Variants in NELL2 observed in about 807,000 individuals in gnomAD.
The protein encoded by NELL2 is protein kinase C-binding protein NELL2.
In NELL2, 41 loss-of-function variants were observed where a neutral mutation model predicts 109.6. The observed-to-expected ratio is 0.37, with a 90% CI of 0.29 to 0.49. The LOEUF (loss-of-function observed/expected upper bound fraction) is 0.49. Among genes scored for constraint, NELL2 ranks in the 20% least tolerant of loss-of-function variants. The pLI, the probability that NELL2 is intolerant of heterozygous loss-of-function variation, is 0.98. For synonymous variants in NELL2, 355 were observed against 344.7 expected, an observed-to-expected ratio of 1.03 and a Z score of -0.33; for missense variants, 900 against 1,008.3, an observed-to-expected ratio of 0.89 and a Z score of 1.45.
At chr12:44,636,459 C>T (rs1246182976) in intron 13 of NELL2, among the ~76,000 whole-genome samples, 2 of 152,108 alleles carry the variant, frequency 1.3e-5, no homozygotes, top group Admixed American at 6.6e-5. Context: ...TATGTTTCAT[C>T]AATACGTGGT....
At position 44,619,647 on chromosome 12, in the gene NELL2, AAGG is replaced by A. The variant is rs371438177; in HGVS notation, c.1445-8680_1445-8678del. The stretch of plus-strand genomic sequence containing the variant: ...TGAGAAGGCGGCGGAAGAGGAGGAG[AAGG>A]AGGAGGAGGAGGAGGAGGGATGTTG... On this transcript the variant is annotated intron_variant, in intron 13 of 19. Coordinates refer to ENST00000429094, the MANE Select transcript of NELL2 (RefSeq NM_001145108.2). Among the ~76,000 whole-genome samples, 331 of 151,532 alleles carry A rather than the reference AAGG, an allele frequency of 2.2e-3. 3 individuals carry two copies. The highest frequency in any genetic ancestry group is 2.3e-3 in the South Asian group (11 of 4,804).
chr12:44,562,309 G>T (rs1200429337), intron 15 of NELL2, among the ~76,000 whole-genome samples: 1 of 152,170 alleles, frequency 6.6e-6, no homozygotes, highest in Non-Finnish European at 1.5e-5. Flanking sequence ...AGCCAAAATT[G>T]ACAAATGGGA....
chr12:44,665,308 G>A (rs1174600300), intron 13 of NELL2, 176 bp downstream of exon 13: 2 of 460,154 alleles, frequency 4.3e-6, no homozygotes, highest in Non-Finnish European at 7.5e-6. Context: ...AGAGCAAGCA[G>A]GTGTTTTTTT....
intron 9 of NELL2, among the ~76,000 whole-genome samples, chr12:44,771,815 T>C (rs977842928): frequency 6.6e-6 from 1 of 152,172 alleles, no homozygotes; most frequent in African/African-American, 2.4e-5. Context: ...AGGGAAAGTA[T>C]AAAGGAAGCT....
chr12:44,714,785 A>G, intron 9 of NELL2, 44 bp from the exon 10 acceptor site: 1 of 1,301,726 alleles, frequency 7.7e-7, no homozygotes, highest in East Asian at 2.5e-5. Context: ...ATTGGGAAAA[A>G]TAGCTTAGAA....
intron 2 of NELL2, among the ~76,000 whole-genome samples, chr12:44,840,601 A>C (rs1027294407): frequency 6.6e-6 from 1 of 151,384 alleles, no homozygotes; most frequent in Non-Finnish European, 1.5e-5. Flanking sequence ...GCGCCACTGC[A>C]CTCCAGCCTG....
At chr12:44,558,269 C>T (rs1396562531) in intron 15 of NELL2, among the ~76,000 whole-genome samples, 1 of 152,156 alleles carries the variant, frequency 6.6e-6, no homozygotes, top group Non-Finnish European at 1.5e-5. Context: ...CTATTTCTAG[C>T]TGCATAAAAA....
chr12:44,562,045 G>T (rs982237052), intron 15 of NELL2, among the ~76,000 whole-genome samples: 16 of 152,118 alleles, frequency 1.1e-4, no homozygotes, highest in African/African-American at 3.4e-4. Flanking sequence ...TGACAAACTT[G>T]ACAAAAACAA....
intron 12 of NELL2, among the ~76,000 whole-genome samples, chr12:44,681,421 A>C (rs1026628031): frequency 1.3e-5 from 2 of 148,574 alleles, no homozygotes; most frequent in Non-Finnish European, 3.0e-5. Flanking sequence ...TATTTTATTT[A>C]TTATTATTAT....
chr12:44,670,874 A>G (rs550907728), intron 12 of NELL2, among the ~76,000 whole-genome samples: 2 of 152,288 alleles, frequency 1.3e-5, no homozygotes, highest in South Asian at 2.1e-4. Context: ...CCCTCGTTTT[A>G]GCACTGGGCA....
intron 9 of NELL2, among the ~76,000 whole-genome samples, chr12:44,771,481 T>C (rs746746375): frequency 1.1e-4 from 17 of 152,196 alleles, no homozygotes; most frequent in Non-Finnish European, 2.9e-5. Context: ...TACGTACTTA[T>C]AGAGCTGTAA....
chr12:44,762,846 A>G (rs1941181879), intron 9 of NELL2, among the ~76,000 whole-genome samples: 1 of 152,196 alleles, frequency 6.6e-6, no homozygotes, highest in African/African-American at 2.4e-5. Context: ...ATACTGCACC[A>G]TTGCATTGCA....
chr12:44,817,574 G>T lies in NELL2; in HGVS notation c.185-1438C>A, dbSNP rs186564698. 5.9e-3 allele frequency among the ~76,000 whole-genome samples: 903 copies of T among 152,258 alleles called. 5 individuals carry two copies. Among genetic ancestry groups the T allele is most frequent in the Non-Finnish European group, 7.1e-3 (485 of 68,010 alleles). On this transcript the variant is annotated intron_variant, in intron 2 of 19. Coordinates refer to ENST00000429094, the MANE Select transcript of NELL2 (RefSeq NM_001145108.2). ...AATTTGATCAGGAGTTTACCAGGTAGAGAAAAGAGGGAAAAGCATACCAGA... is the reference window on the plus strand; with the variant it reads ...AATTTGATCAGGAGTTTACCAGGTATAGAAAAGAGGGAAAAGCATACCAGA...
intron 1 of NELL2, among the ~76,000 whole-genome samples, chr12:44,886,112 GAA>G (rs1945469475): frequency 6.8e-6 from 1 of 146,590 alleles, no homozygotes; most frequent in Non-Finnish European, 1.5e-5. Context: ...AGGAAGGAAG[GAA>G]GGAAGGAAGG....
At chr12:44,690,092 G>A (rs1948853996) in intron 12 of NELL2, among the ~76,000 whole-genome samples, 1 of 152,182 alleles carries the variant, frequency 6.6e-6, no homozygotes, top group Non-Finnish European at 1.5e-5. Flanking sequence ...TGCCTGGGAA[G>A]CTTGTAAAAA....
intron 19 of NELL2, 25 bp from the exon 20 acceptor site, chr12:44,509,009 A>G (rs753742958): frequency 6.3e-7 from 1 of 1,599,022 alleles, no homozygotes; most frequent in South Asian, 1.1e-5. Flanking sequence ...AGTAGAAAGA[A>G]AAACAGTATG....
At chr12:44,672,807 G>A (rs1185437091) in intron 12 of NELL2, among the ~76,000 whole-genome samples, 4 of 152,156 alleles carry the variant, frequency 2.6e-5, no homozygotes, top group Non-Finnish European at 5.9e-5. Context: ...TCTAAAAACT[G>A]TCTCTCAATG....
At chr12:44,780,441 C>T (rs1941915919) in intron 3 of NELL2, among the ~76,000 whole-genome samples, 1 of 151,858 alleles carries the variant, frequency 6.6e-6, no homozygotes, top group Admixed American at 6.6e-5. Context: ...AAACTGGCCC[C>T]ATCCCAAACC....
chr12:44,620,531 C>G (rs1200916992), intron 13 of NELL2, among the ~76,000 whole-genome samples: 1 of 152,094 alleles, frequency 6.6e-6, no homozygotes, highest in East Asian at 1.9e-4. Context: ...CACATTACTT[C>G]ACCAGCAACC....
Sources: allele counts gnomAD v4.1 joint callset (sites outside exome capture counted in the v4.1 genomes callset), GRCh38; gene constraint gnomAD v4.1.1; transcripts MANE v1.5; gene names NCBI Gene and HGNC (gene_info 2026-07-23, HGNC 2026-07-21).